KCND2: variants seen among roughly 807,000 people sequenced by gnomAD.
KCND2 encodes the protein A-type voltage-gated potassium channel KCND2.
KCND2 carries 16 observed loss-of-function variants against 54.4 expected under a neutral mutation model. The ratio of observed to expected loss-of-function variants is 0.29; its 90% confidence interval spans 0.20 to 0.45. The LOEUF is 0.45. Ranked by LOEUF, KCND2 falls within the 20% of genes least tolerant of loss-of-function variation. The pLI is 1.00. For synonymous variants in KCND2, 317 were observed against 310.7 expected, an observed-to-expected ratio of 1.02 and a Z score of -0.21; for missense variants, 486 against 824.2, an observed-to-expected ratio of 0.59 and a Z score of 5.02.
intron 1 of KCND2, among the ~76,000 whole-genome samples, chr7:120,620,209 C>G (rs1465556308): frequency 6.6e-6 from 1 of 151,594 alleles, no homozygotes; most frequent in African/African-American, 2.4e-5. Flanking sequence ...CATTCATTCT[C>G]TCATATGAAA....
intron 1 of KCND2, among the ~76,000 whole-genome samples, chr7:120,514,438 C>T (rs1284264866): frequency 6.6e-6 from 1 of 152,122 alleles, no homozygotes; most frequent in East Asian, 1.9e-4. Flanking sequence ...CACAAATACA[C>T]GTCACACTAA....
intron 1 of KCND2, among the ~76,000 whole-genome samples, chr7:120,363,303 A>C (rs1016165835): frequency 1.3e-5 from 2 of 151,844 alleles, no homozygotes; most frequent in African/African-American, 2.4e-5. Flanking sequence ...GATCCCATCT[A>C]TATATATATA....
chr7:120,443,629 C>T (rs945883679), intron 1 of KCND2, among the ~76,000 whole-genome samples: 7 of 151,948 alleles, frequency 4.6e-5, no homozygotes, highest in East Asian at 1.9e-4. Flanking sequence ...TCTGATCATG[C>T]CATTCCTCAA....
chr7:120,536,144 G>T (rs1791903748), intron 1 of KCND2, among the ~76,000 whole-genome samples: 1 of 152,188 alleles, frequency 6.6e-6, no homozygotes, highest in African/African-American at 2.4e-5. Flanking sequence ...CGAATTGTTT[G>T]GTTTCCCAGT....
chr7:120,369,848 C>T (rs575610525), intron 1 of KCND2, among the ~76,000 whole-genome samples: 6 of 152,130 alleles, frequency 3.9e-5, no homozygotes, highest in East Asian at 1.9e-4. Flanking sequence ...AAAAGAAGAA[C>T]GCTTTCCTCA....
At chr7:120,479,183 A>T (rs1004164868) in intron 1 of KCND2, among the ~76,000 whole-genome samples, 1 of 152,172 alleles carries the variant, frequency 6.6e-6, no homozygotes, top group Non-Finnish European at 1.5e-5. Context: ...AAGGAAAAGC[A>T]AAATCTCCTA....
intron 1 of KCND2, among the ~76,000 whole-genome samples, chr7:120,559,029 G>A (rs560516288): frequency 9.2e-5 from 14 of 151,716 alleles, no homozygotes; most frequent in Non-Finnish European, 1.9e-4. Flanking sequence ...GTGTGTGTAT[G>A]TGTGTGTGTA....
At chr7:120,336,565 G>T (rs1221093381) in intron 1 of KCND2, among the ~76,000 whole-genome samples, 1 of 152,022 alleles carries the variant, frequency 6.6e-6, no homozygotes, top group Admixed American at 6.6e-5. Flanking sequence ...TTTTATAAAT[G>T]GATAAATAAT....
intron 1 of KCND2, among the ~76,000 whole-genome samples, chr7:120,661,119 TG>T: frequency 6.6e-6 from 1 of 152,264 alleles, no homozygotes; most frequent in South Asian, 2.1e-4. Flanking sequence ...AGCTAAATAA[TG>T]ATGTGGAATC....
At chr7:120,466,951 A>G (rs1446540581) in intron 1 of KCND2, among the ~76,000 whole-genome samples, 2 of 152,128 alleles carry the variant, frequency 1.3e-5, no homozygotes, top group Non-Finnish European at 2.9e-5. Flanking sequence ...TGTGTCCACC[A>G]TTCCATCTCC....
chr7:120,533,591 T>A (rs1276666539), intron 1 of KCND2, among the ~76,000 whole-genome samples: 2 of 152,162 alleles, frequency 1.3e-5, no homozygotes, highest in African/African-American at 4.8e-5. Context: ...TGGACTAACA[T>A]AAATTTATTA....
At chr7:120,566,670 C>T (rs539294675) in intron 1 of KCND2, among the ~76,000 whole-genome samples, 1 of 151,990 alleles carries the variant, frequency 6.6e-6, no homozygotes, top group African/African-American at 2.4e-5. Flanking sequence ...ATTCCCATTA[C>T]TATTTTTGTA....
intron 1 of KCND2, among the ~76,000 whole-genome samples, chr7:120,324,801 A>G (rs890687953): frequency 1.3e-5 from 2 of 151,646 alleles, no homozygotes; most frequent in Admixed American, 1.3e-4. Flanking sequence ...TTGGTTCCAT[A>G]TGAACTTTAA....
intron 1 of KCND2, among the ~76,000 whole-genome samples, chr7:120,629,552 G>C (rs1224357462): frequency 6.6e-6 from 1 of 152,202 alleles, no homozygotes; most frequent in Admixed American, 6.5e-5. Flanking sequence ...AGCCATGCGA[G>C]GAACTGTTGA....
intron 1 of KCND2, among the ~76,000 whole-genome samples, chr7:120,305,263 A>T (rs1265967181): frequency 6.6e-6 from 1 of 152,162 alleles, no homozygotes; most frequent in Non-Finnish European, 1.5e-5. Context: ...TTCTGTTGAA[A>T]ATGTGCCCAA....
chr7:120,279,847 ATAT>A (rs1333899775), intron 1 of KCND2, among the ~76,000 whole-genome samples: 1 of 151,894 alleles, frequency 6.6e-6, no homozygotes, highest in Admixed American at 6.6e-5. Flanking sequence ...TTATAATTAT[ATAT>A]TATTAAAGAG....
intron 1 of KCND2, among the ~76,000 whole-genome samples, chr7:120,491,074 C>T (rs1802772586): frequency 6.6e-6 from 1 of 152,116 alleles, no homozygotes; most frequent in Non-Finnish European, 1.5e-5. Flanking sequence ...GCCACCCATG[C>T]TTCTCATATA....
chr7:120,551,590 C>T (rs1051744679), intron 1 of KCND2, among the ~76,000 whole-genome samples: 2 of 152,064 alleles, frequency 1.3e-5, no homozygotes. Context: ...TTGTTTTATT[C>T]CAACTTAGCT....
chr7:120,633,501 A>G (rs577337936), intron 1 of KCND2, among the ~76,000 whole-genome samples: 1 of 152,334 alleles, frequency 6.6e-6, no homozygotes, highest in South Asian at 2.1e-4. Flanking sequence ...TACTTTGACA[A>G]TAAAATACAA....
Sources: allele counts gnomAD v4.1 joint callset (sites outside exome capture counted in the v4.1 genomes callset), GRCh38; gene constraint gnomAD v4.1.1; transcripts MANE v1.5; gene names NCBI Gene and HGNC (gene_info 2026-07-23, HGNC 2026-07-21).